Variants in SLC4A10 observed in about 807,000 individuals in gnomAD.
The protein encoded by SLC4A10 is solute carrier family 4 member 10.
A neutral mutation model predicts 137.7 loss-of-function variants in SLC4A10; 42 were observed. That is an observed-to-expected ratio of 0.30 (90% CI 0.24 to 0.39). The LOEUF (loss-of-function observed/expected upper bound fraction) is 0.39, where lower values mean the gene tolerates loss of function less well. Among genes scored for constraint, SLC4A10 ranks in the 10% least tolerant of loss-of-function variants. SLC4A10 has a pLI of 1.00. For missense variants in SLC4A10, 925 were observed against 1,355.0 expected (o/e 0.68, Z 4.98); for synonymous variants, 474 against 464.1 (o/e 1.02, Z -0.27).
At chr2:161,975,326 G>C (rs1453134731) in intron 24 of SLC4A10, among the ~76,000 whole-genome samples, 5 of 152,028 alleles carry the variant, frequency 3.3e-5, no homozygotes, top group Non-Finnish European at 7.4e-5. Flanking sequence ...AGGGCTGTGT[G>C]GTTAAATAAG....
chr2:161,965,161 T>C lies in SLC4A10; in HGVS notation c.3147T>C (p.Asp1049=), dbSNP rs201561455. Residue 1049 remains aspartate, a synonymous_variant, in exon 23 of 27, where the codon GAT becomes GAC. Transcript: ENST00000446997. The part of the protein sequence containing the change: ...MPESKKKKLE[D]AEKEEEQSML... ...AGAGTAAGAAAAAGAAACTGGAAGA[T>C]GCTGAAAAAGAAGTAAGAGCAAAAT... 4.8e-5 allele frequency: 77 copies of C among 1,609,722 alleles called. No homozygotes were observed. In the African/African-American group the frequency reaches 7.7e-4, roughly 16 times the overall value.
chr2:161,926,370 C>T (rs1247488783), intron 15 of SLC4A10, among the ~76,000 whole-genome samples: 12 of 120,776 alleles, frequency 9.9e-5, no homozygotes, highest in Non-Finnish European at 1.9e-4. Flanking sequence ...ATGATTGCAA[C>T]CCCTGCCTTT....
chr2:161,861,253 G>C (rs944939391), intron 5 of SLC4A10, among the ~76,000 whole-genome samples: 6 of 152,220 alleles, frequency 3.9e-5, no homozygotes, highest in African/African-American at 1.4e-4. Flanking sequence ...GCAGGGCTAT[G>C]TCAGTTAGAC....
At position 161,872,022 on chromosome 2, in the gene SLC4A10, A is replaced by G. The variant is rs530159831; in HGVS notation, c.767-271A>G. On this transcript the variant is annotated intron_variant, in intron 6 of 26. Transcript: ENST00000446997. ...GCTTCAAAATCCTGGTAACATTTAC[A>G]TATTTTGTAGATAATCCTTATTGAA... 3.0e-3 allele frequency among the ~76,000 whole-genome samples: 458 copies of G among 152,308 alleles called. 1 individual carries two copies. Among genetic ancestry groups the G allele is most frequent in the African/African-American group, 0.011 (437 of 41,584 alleles).
intron 15 of SLC4A10, among the ~76,000 whole-genome samples, chr2:161,917,115 A>G (rs1198629042): frequency 1.3e-5 from 2 of 152,208 alleles, no homozygotes; most frequent in African/African-American, 2.4e-5. Context: ...AGAATTTTAC[A>G]TAAATGGAAC....
chr2:161,657,290 G>C (rs894173242), intron 1 of SLC4A10, among the ~76,000 whole-genome samples: 1 of 151,982 alleles, frequency 6.6e-6, no homozygotes, highest in Admixed American at 6.6e-5. Flanking sequence ...GTGGGGATCA[G>C]TGAGATGACA....
chr2:161,966,859 C>T (rs1356731277), intron 23 of SLC4A10, among the ~76,000 whole-genome samples: 1 of 152,020 alleles, frequency 6.6e-6, no homozygotes, highest in Non-Finnish European at 1.5e-5. Flanking sequence ...TATAATTTGG[C>T]ACAAGTTAAA....
chr2:161,936,311 GT>G (rs545407588), intron 15 of SLC4A10, among the ~76,000 whole-genome samples: 122 of 152,246 alleles, frequency 8.0e-4, no homozygotes, highest in African/African-American at 2.9e-3. Flanking sequence ...GAGTTTGGAT[GT>G]ACTTCTCTTC....
chr2:161,764,152 T>C (rs1224014275), intron 1 of SLC4A10, among the ~76,000 whole-genome samples: 3 of 152,192 alleles, frequency 2.0e-5, no homozygotes, highest in East Asian at 1.9e-4. Flanking sequence ...GGCGCATCCA[T>C]ACCATGGAGT....
Position 161,976,807 on chromosome 2 carries a change from C to A in SLC4A10, c.3275C>A (p.Ala1092Asp), listed in dbSNP as rs752130013. ...ATATCTGATGAAATGTCAAAGACTG[C>A]CTTGTGGAGGAACCTTCTGATTACT... Reference protein sequence around the residue: ...INISDEMSKTALWRNLLITAD... With the variant: ...INISDEMSKTDLWRNLLITAD... Residue 1092 changes from alanine to aspartate, a missense_variant, in exon 25 of 27, where the codon GCC becomes GAC. Ala to Asp is a moderately radical substitution (Grantham distance 126). Coordinates refer to ENST00000446997, the MANE Select transcript of SLC4A10 (RefSeq NM_001178015.2). 3.1e-6 allele frequency: 5 copies of A among 1,604,832 alleles called. No individual in the cohort carries two copies. Among genetic ancestry groups the A allele is most frequent in the Admixed American group, 1.7e-5 (1 of 59,096 alleles).
intron 19 of SLC4A10, among the ~76,000 whole-genome samples, chr2:161,952,779 C>A (rs892184106): frequency 1.3e-5 from 2 of 152,172 alleles, no homozygotes; most frequent in African/African-American, 4.8e-5. Context: ...GGGCCTATAA[C>A]TCTTGTCTCC....
At chr2:161,764,566 A>AT (rs2050595067) in intron 1 of SLC4A10, among the ~76,000 whole-genome samples, 1 of 152,166 alleles carries the variant, frequency 6.6e-6, no homozygotes, top group Non-Finnish European at 1.5e-5. Context: ...TGTTAGTTTT[A>AT]TTTTGTAAAA....
chr2:161,916,699 A>G (rs575736298), intron 15 of SLC4A10, among the ~76,000 whole-genome samples: 1 of 152,086 alleles, frequency 6.6e-6, no homozygotes, highest in Non-Finnish European at 1.5e-5. Flanking sequence ...TTCTGTAAAC[A>G]CATTTGGCAT....
intron 1 of SLC4A10, among the ~76,000 whole-genome samples, chr2:161,694,987 G>C (rs1032862351): frequency 6.6e-6 from 1 of 151,544 alleles, no homozygotes; most frequent in African/African-American, 2.4e-5. Context: ...AATTCTCCAG[G>C]TATCTATAAA....
chr2:161,700,492 T>C (rs981293035), intron 1 of SLC4A10, among the ~76,000 whole-genome samples: 1 of 152,152 alleles, frequency 6.6e-6, no homozygotes, highest in Non-Finnish European at 1.5e-5. Flanking sequence ...ATTTAGCTTA[T>C]CGACTTTTTA....
At chr2:161,834,857 A>G (rs72879250) in intron 3 of SLC4A10, among the ~76,000 whole-genome samples, 10,242 of 152,156 alleles carry the variant, frequency 0.067, 442 homozygotes, top group East Asian at 0.17. Flanking sequence ...AAAAAACAGC[A>G]ATAATCTCAA....
chr2:161,864,631 T>G (rs2060627152), intron 6 of SLC4A10, among the ~76,000 whole-genome samples: 1 of 152,168 alleles, frequency 6.6e-6, no homozygotes, highest in African/African-American at 2.4e-5. Context: ...ACACTTAAGT[T>G]CAATAAAATT....
chr2:161,704,378 A>G (rs1384651097), intron 1 of SLC4A10, among the ~76,000 whole-genome samples: 1 of 151,846 alleles, frequency 6.6e-6, no homozygotes, highest in East Asian at 1.9e-4. Context: ...CAATGAAAGT[A>G]GATTTGAACA....
chr2:161,859,494 G>A (rs973149641), intron 5 of SLC4A10, among the ~76,000 whole-genome samples: 3 of 150,332 alleles, frequency 2.0e-5, no homozygotes, highest in African/African-American at 7.3e-5. Flanking sequence ...GATTCACCAC[G>A]TTGGACAGGG....
Sources: allele counts gnomAD v4.1 joint callset (sites outside exome capture counted in the v4.1 genomes callset), GRCh38; gene constraint gnomAD v4.1.1; transcripts MANE v1.5; gene names NCBI Gene and HGNC (gene_info 2026-07-23, HGNC 2026-07-21).